Variants in WDR70 observed in about 807,000 individuals in gnomAD.
The protein encoded by WDR70 is WD repeat domain 70, also known as WD repeat-containing protein 70.
A neutral mutation model predicts 88.6 loss-of-function variants in WDR70; 53 were observed. That is an observed-to-expected ratio of 0.60 (90% confidence interval 0.48 to 0.75). The LOEUF (loss-of-function observed/expected upper bound fraction) is 0.75, where lower values mean the gene tolerates loss of function less well. Ranked by LOEUF, WDR70 falls within the 30% of genes least tolerant of loss-of-function variation. The pLI is 0.00. For missense variants in WDR70, 610 were observed against 823.2 expected, an observed-to-expected ratio of 0.74 and a Z score of 3.17; for synonymous variants, 280 against 270.0, an observed-to-expected ratio of 1.04 and a Z score of -0.36.
intron 5 of WDR70, among the ~76,000 whole-genome samples, chr5:37,398,087 A>ATT (rs756446462): frequency 2.1e-4 from 26 of 121,388 alleles, no homozygotes; most frequent in South Asian, 2.6e-4. Flanking sequence ...GGGGTAGATA[A>ATT]TTTTTTTTTT....
intron 10 of WDR70, among the ~76,000 whole-genome samples, chr5:37,650,362 C>G (rs1296888258): frequency 1.3e-5 from 2 of 151,856 alleles, no homozygotes; most frequent in African/African-American, 4.8e-5. Flanking sequence ...GATCACGCTA[C>G]TGCACTCCAG....
At chr5:37,571,224 A>G (rs2112404453) in intron 9 of WDR70, among the ~76,000 whole-genome samples, 1 of 152,302 alleles carries the variant, frequency 6.6e-6, no homozygotes, top group East Asian at 1.9e-4. Context: ...TATTGGATGA[A>G]CTTTATCATA....
chr5:37,533,292 G>A (rs1041273171), intron 9 of WDR70, among the ~76,000 whole-genome samples: 5 of 152,202 alleles, frequency 3.3e-5, no homozygotes, highest in African/African-American at 4.8e-5. Context: ...GTCCTATAGC[G>A]AGGATGTGGA....
In WDR70 at chr5:37,633,034, A is replaced by G. The variant is rs936036827; in HGVS notation, c.1092+27796A>G. On this transcript the variant is annotated intron_variant, in intron 10 of 17. Coordinates refer to ENST00000265107, the MANE Select transcript of WDR70 (RefSeq NM_018034.4). ...TACAGTTGCCTGTAGTACTCAGTAT[A>G]GTAATATTCTGTACAGGTTTGTAGC... Among the ~76,000 whole-genome samples the G allele has an allele frequency of 2.0e-5, 3 of 152,344 alleles. No individual in the cohort carries two copies. In the South Asian group the frequency reaches 6.2e-4, roughly 32 times the overall value.
intron 13 of WDR70, among the ~76,000 whole-genome samples, chr5:37,715,413 G>A (rs1166354328): frequency 2.0e-5 from 3 of 151,902 alleles, no homozygotes; most frequent in Non-Finnish European, 4.4e-5. Flanking sequence ...GGAGGAATGT[G>A]GAGGAGGGGA....
chr5:37,443,147 T>C, intron 6 of WDR70, 92 bp from the exon 7 acceptor site: 1 of 1,386,418 alleles, frequency 7.2e-7, no homozygotes, highest in South Asian at 1.5e-5. Context: ...TCCTATAACA[T>C]AGGGGGTGGG....
At chr5:37,388,878 C>A (rs567738544) in intron 3 of WDR70, among the ~76,000 whole-genome samples, 9 of 152,042 alleles carry the variant, frequency 5.9e-5, no homozygotes, top group Admixed American at 4.6e-4. Flanking sequence ...CATGGTGAGA[C>A]CCCGTCTCTA....
chr5:37,663,016 C>G (rs972569580), intron 10 of WDR70, among the ~76,000 whole-genome samples: 1 of 151,984 alleles, frequency 6.6e-6, no homozygotes, highest in East Asian at 1.9e-4. Flanking sequence ...TGCCAGGGAC[C>G]CAGAAAGCAA....
chr5:37,656,962 C>T (rs1277287469), intron 10 of WDR70, among the ~76,000 whole-genome samples: 1 of 152,144 alleles, frequency 6.6e-6, no homozygotes, highest in Admixed American at 6.5e-5. Context: ...TGAGCTAGAC[C>T]ACTTTGCTCC....
chr5:37,569,183 T>C (rs1329757251), intron 9 of WDR70, among the ~76,000 whole-genome samples: 1 of 152,224 alleles, frequency 6.6e-6, no homozygotes, highest in Non-Finnish European at 1.5e-5. Context: ...AAGTTCTAGC[T>C]GACTTGTAGA....
intron 10 of WDR70, among the ~76,000 whole-genome samples, chr5:37,627,894 G>T (rs1209856677): frequency 2.0e-5 from 3 of 152,068 alleles, no homozygotes; most frequent in Non-Finnish European, 2.9e-5. Context: ...GAAGTTGTTA[G>T]GTGAAATATT....
At chr5:37,614,266 CCTT>C in intron 10 of WDR70, among the ~76,000 whole-genome samples, 1 of 152,246 alleles carries the variant, frequency 6.6e-6, no homozygotes, top group East Asian at 1.9e-4. Context: ...GTTGTTGAGT[CCTT>C]CTTATGTCAT....
intron 7 of WDR70, among the ~76,000 whole-genome samples, chr5:37,472,668 T>C (rs1396386283): frequency 6.6e-6 from 1 of 152,004 alleles, no homozygotes; most frequent in Non-Finnish European, 1.5e-5. Context: ...TGTTAATTTT[T>C]TTGTACTTTT....
intron 8 of WDR70, among the ~76,000 whole-genome samples, chr5:37,480,589 C>G (rs1739633230): frequency 6.6e-6 from 1 of 152,154 alleles, no homozygotes; most frequent in Non-Finnish European, 1.5e-5. Flanking sequence ...GACTTATTCA[C>G]TACCATGAGA....
chr5:37,551,995 C>G (rs1453497265), intron 9 of WDR70, among the ~76,000 whole-genome samples: 1 of 151,976 alleles, frequency 6.6e-6, no homozygotes, highest in Non-Finnish European at 1.5e-5. Flanking sequence ...TGGTTTCGAA[C>G]TCCTGACCTC....
intron 7 of WDR70, among the ~76,000 whole-genome samples, chr5:37,448,729 G>A (rs1255553860): frequency 6.8e-5 from 5 of 73,298 alleles, no homozygotes; most frequent in Admixed American, 2.2e-4. Flanking sequence ...AACGTTATTT[G>A]GATTTCACTG....
At chr5:37,727,900 A>T (rs1300912624) in intron 17 of WDR70, among the ~76,000 whole-genome samples, 1 of 152,158 alleles carries the variant, frequency 6.6e-6, no homozygotes, top group African/African-American at 2.4e-5. Context: ...CTAAATTTTT[A>T]AACTTTTTAA....
chr5:37,584,484 A>G (rs1743309306), intron 9 of WDR70, among the ~76,000 whole-genome samples: 4 of 152,158 alleles, frequency 2.6e-5, no homozygotes, highest in Admixed American at 2.6e-4. Context: ...AGGAAAAATC[A>G]TCAATTCCCT....
intron 5 of WDR70, among the ~76,000 whole-genome samples, chr5:37,426,701 G>A (rs1443021606): frequency 6.6e-6 from 1 of 152,074 alleles, no homozygotes; most frequent in Non-Finnish European, 1.5e-5. Context: ...CAACAAGGGT[G>A]TGAATATTGA....
Sources: allele counts gnomAD v4.1 joint callset (sites outside exome capture counted in the v4.1 genomes callset), GRCh38; gene constraint gnomAD v4.1.1; transcripts MANE v1.5; gene names NCBI Gene and HGNC (gene_info 2026-07-23, HGNC 2026-07-21).